The following WNT7B variants were observed in gnomAD, a reference collection of about 807,000 sequenced individuals.
WNT7B encodes the protein protein Wnt-7b.
A neutral mutation model predicts 38.2 loss-of-function variants in WNT7B; 19 were observed. The ratio of observed to expected loss-of-function variants is 0.50; its 90% CI spans 0.35 to 0.73. WNT7B has a LOEUF of 0.73. Among genes scored for constraint, WNT7B ranks in the 30% least tolerant of loss-of-function variants. WNT7B has a pLI of 0.01. For synonymous variants in WNT7B, 243 were observed against 209.3 expected (o/e 1.16, Z -1.39); for missense variants, 423 against 507.9 (o/e 0.83, Z 1.61).
intron 3 of WNT7B, chr22:45,927,508 A>G (rs1006835877): frequency 1.3e-6 from 2 of 1,545,556 alleles, no homozygotes; most frequent in East Asian, 2.4e-5. Flanking sequence ...ATTTGGAAGT[A>G]GGGCCTTTAC....
At chr22:45,931,429 G>A (rs376436268) in intron 2 of WNT7B, 60 bp from the exon 3 acceptor site, 18 of 1,498,500 alleles carry the variant, frequency 1.2e-5, no homozygotes, top group African/African-American at 9.7e-5. Context: ...GTGGGCTCAG[G>A]GGACAGGGTG....
chr22:45,941,327 T>C (rs192573624), intron 2 of WNT7B, among the ~76,000 whole-genome samples: 5 of 152,262 alleles, frequency 3.3e-5, no homozygotes, highest in Non-Finnish European at 7.4e-5. Flanking sequence ...CTGGCCAACA[T>C]GGCGAAACCC....
chr22:45,964,661 G>A (rs1036165147), intron 1 of WNT7B, among the ~76,000 whole-genome samples: 54 of 152,144 alleles, frequency 3.5e-4, no homozygotes, highest in Non-Finnish European at 2.4e-4. Context: ...AGCACGCCTG[G>A]GGCCACCACA....
chr22:45,928,502 G>T (rs890809022), intron 3 of WNT7B, among the ~76,000 whole-genome samples: 1 of 150,534 alleles, frequency 6.6e-6, no homozygotes, highest in Admixed American at 6.6e-5. Context: ...GGCCCCACCG[G>T]CCATCCGAGA....
chr22:45,946,446 G>A (rs1397213040), intron 2 of WNT7B, among the ~76,000 whole-genome samples: 1 of 152,206 alleles, frequency 6.6e-6, no homozygotes, highest in East Asian at 1.9e-4. Flanking sequence ...CCTGGGATAC[G>A]AGGTTCTCCT....
intron 1 of WNT7B, chr22:45,972,108 C>CGGGGGGGGGGGG: frequency 2.1e-5 from 12 of 579,190 alleles, no homozygotes; most frequent in East Asian, 1.1e-4. Context: ...GCTGGAGGCC[C>CGGGGGGGGGGGG]GGGGGGAGCC....
At chr22:45,940,790 G>A (rs1931626356) in intron 2 of WNT7B, among the ~76,000 whole-genome samples, 1 of 152,296 alleles carries the variant, frequency 6.6e-6, no homozygotes, top group African/African-American at 2.4e-5. Context: ...TCTCAGGAAG[G>A]GATGCTGAAG....
intron 2 of WNT7B, among the ~76,000 whole-genome samples, chr22:45,940,258 T>A (rs1267035258): frequency 6.6e-6 from 1 of 151,868 alleles, no homozygotes; most frequent in Non-Finnish European, 1.5e-5. Context: ...ACTTCACAAT[T>A]AGGACACTGG....
intron 3 of WNT7B, among the ~76,000 whole-genome samples, chr22:45,923,545 T>C (rs1930994009): frequency 6.6e-6 from 1 of 152,164 alleles, no homozygotes; most frequent in Non-Finnish European, 1.5e-5. Context: ...TAGGAGGTTG[T>C]GAGGGTACAG....
In WNT7B at chr22:45,931,142, C is replaced by T. The variant is rs1253848550; in HGVS notation, c.526G>A (p.Ala176Thr). The change falls in exon 3 of 4, where the codon GCG becomes ACG. Residue 176 changes from alanine (A) to threonine (T), a missense_variant. Transcript: ENST00000339464. ...TTATGCAGGTTCATGAGGCGCCGCG[C>T]GTTCTTCTTGATCTCCCGAGCGTCC... is the stretch of plus-strand genomic sequence containing the variant. ...FVDAREIKKNARRLMNLHNNE... is the reference protein window; with the variant it reads ...FVDAREIKKNTRRLMNLHNNE... 1.5e-5 allele frequency: 24 copies of T among 1,594,214 alleles called. No homozygotes were observed. Among genetic ancestry groups the T allele is most frequent in the East Asian group, 2.2e-5 (1 of 44,674 alleles).
chr22:45,935,473 C>T (rs933355902), intron 2 of WNT7B, among the ~76,000 whole-genome samples: 1 of 152,172 alleles, frequency 6.6e-6, no homozygotes, highest in Non-Finnish European at 1.5e-5. Context: ...GGACAGCAGC[C>T]CCCTCCCTTC....
intron 1 of WNT7B, among the ~76,000 whole-genome samples, chr22:45,971,846 T>C (rs1932447976): frequency 6.6e-6 from 1 of 152,148 alleles, no homozygotes; most frequent in South Asian, 2.1e-4. Context: ...TCGGCGCCGC[T>C]CGCGTGCCCG....
chr22:45,934,325 C>T (rs982448228), intron 2 of WNT7B, among the ~76,000 whole-genome samples: 2 of 152,124 alleles, frequency 1.3e-5, no homozygotes, highest in Non-Finnish European at 2.9e-5. Context: ...CTATGCAGCC[C>T]CCAGGGAAGA....
chr22:45,948,655 T>C (rs1351932903), intron 2 of WNT7B, among the ~76,000 whole-genome samples: 1 of 151,964 alleles, frequency 6.6e-6, no homozygotes, highest in African/African-American at 2.4e-5. Flanking sequence ...CCCACTCCCA[T>C]GCACACAACA....
At chr22:45,946,592 G>C (rs1005749433) in intron 2 of WNT7B, among the ~76,000 whole-genome samples, 1 of 152,200 alleles carries the variant, frequency 6.6e-6, no homozygotes, top group African/African-American at 2.4e-5. Context: ...ATGAGGAATA[G>C]GCCTGGGATG....
At chr22:45,927,502 G>A (rs888342760) in intron 3 of WNT7B, 2 of 1,546,774 alleles carry the variant, frequency 1.3e-6, no homozygotes, top group South Asian at 1.2e-5. Context: ...GACTTTATTT[G>A]GAAGTAGGGC....
chr22:45,932,416 AC>A lies in WNT7B; in HGVS notation c.299-1048del, dbSNP rs35323637. 6.1e-3 allele frequency among the ~76,000 whole-genome samples: 872 copies of A among 142,722 alleles called. 7 individuals are homozygous for A. The highest frequency in any genetic ancestry group is 0.021 in the African/African-American group (825 of 39,038). 93.6% of individuals were successfully genotyped at this position (142,722 alleles called of 152,430 possible). A position where few individuals can be genotyped will look rare whatever the true frequency, so the allele number is the denominator to read the frequency against. ...CTCCCTGTCCAGGCAGCCTTCCCAGACCCCCCCCGCCAGAAGGGAGCACTTG... is the reference window on the plus strand; with the variant it reads ...CTCCCTGTCCAGGCAGCCTTCCCAGACCCCCCCGCCAGAAGGGAGCACTTG... On this transcript the variant is annotated intron_variant, in intron 2 of 3. Coordinates refer to ENST00000339464, the MANE Select transcript of WNT7B (RefSeq NM_058238.3).
Position 45,931,184 on chromosome 22 carries a change from A to G in WNT7B, c.484T>C (p.Phe162Leu). The G allele has an allele frequency of 6.3e-7, 1 of 1,599,620 alleles. No individual in the cohort carries two copies. ...CSADVRYGIDFSRRFVDAREI... is the reference protein window; with the variant it reads ...CSADVRYGIDLSRRFVDAREI... ...CGAGCGTCCACGAAGCGCCGGGAGAAGTCGATGCCGTAACGCACGTCGGCC... is the reference window on the plus strand; with the variant it reads ...CGAGCGTCCACGAAGCGCCGGGAGAGGTCGATGCCGTAACGCACGTCGGCC... The change falls in exon 3 of 4, where the codon TTC becomes CTC. Residue 162 changes from phenylalanine (F) to leucine (L), a missense_variant. Coordinates refer to ENST00000339464, the MANE Select transcript of WNT7B (RefSeq NM_058238.3).
chr22:45,958,444 G>A (rs77445806), intron 1 of WNT7B, among the ~76,000 whole-genome samples: 3,625 of 152,302 alleles, frequency 0.024, 151 homozygotes, highest in African/African-American at 0.083. Context: ...GCCTCCCCCA[G>A]CAGGTAGGAG....
Sources: gnomAD v4.1 joint callset for allele counts (sites outside exome capture counted in the v4.1 genomes callset) on GRCh38, gnomAD v4.1.1 for gene constraint, MANE v1.5 for transcripts, NCBI Gene and HGNC (gene_info 2026-07-23, HGNC 2026-07-21) for gene names.